The following SERPINA12 variants were observed in gnomAD, a reference collection of about 807,000 sequenced individuals.
SERPINA12 encodes serpin A12.
A neutral mutation model predicts 25.9 loss-of-function variants in SERPINA12; 21 were observed. The observed-to-expected ratio is 0.81, with a 90% CI of 0.58 to 1.17. The LOEUF is 1.17. Among genes scored for constraint, SERPINA12 ranks in the 50% most tolerant of loss-of-function variants. The pLI is 0.00. For missense variants in SERPINA12, 562 were observed against 508.3 expected (o/e 1.11, Z -1.02); for synonymous variants, 220 against 196.0 (o/e 1.12, Z -1.02).
intron 1 of SERPINA12, among the ~76,000 whole-genome samples, chr14:94,516,767 C>T (rs1901247226): frequency 6.6e-6 from 1 of 152,174 alleles, no homozygotes; most frequent in Non-Finnish European, 1.5e-5. Context: ...ACCCCAGGTC[C>T]TAATTCCAAG....
At chr14:94,516,708 T>C (rs1213935876) in intron 1 of SERPINA12, among the ~76,000 whole-genome samples, 1 of 152,218 alleles carries the variant, frequency 6.6e-6, no homozygotes, top group Non-Finnish European at 1.5e-5. Context: ...TTCCAAAGCT[T>C]ATACCTTACA....
rs754369622 is a variant in SERPINA12 at position 94,497,912 on chromosome 14, G to C, written c.486C>G (p.Thr162=). 5.5e-5 allele frequency: 88 copies of C among 1,614,074 alleles called. No individual in the cohort carries two copies. Among genetic ancestry groups the C allele is most frequent in the Non-Finnish European group, 7.3e-5 (86 of 1,180,044 alleles). The change falls in exon 2 of 5, where the codon ACC becomes ACG. Residue 162 remains threonine, a synonymous_variant. Transcript: ENST00000677451. ...CCAAATTCTGAAAGTTGGTAAGGAT[G>C]GTTTCGGCACTGTAAAAGTTCTTGG... ...EDAKNFYSAE[T]ILTNFQNLEM...
At chr14:94,498,540 G>T in intron 1 of SERPINA12, 110 bp from the exon 2 acceptor site, 1 of 857,142 alleles carries the variant, frequency 1.2e-6, no homozygotes, top group Non-Finnish European at 1.8e-6. Flanking sequence ...GTACATAGCA[G>T]TTTATGAGTG....
chr14:94,506,379 C>G (rs1900933302), intron 1 of SERPINA12, among the ~76,000 whole-genome samples: 1 of 152,112 alleles, frequency 6.6e-6, no homozygotes, highest in African/African-American at 2.4e-5. Flanking sequence ...ACAAGTCACA[C>G]TAGGTAAGGG....
intron 1 of SERPINA12, among the ~76,000 whole-genome samples, chr14:94,507,209 A>G (rs1900959799): frequency 6.6e-6 from 1 of 152,258 alleles, no homozygotes. Context: ...ATTGGACTAT[A>G]TGAAACTATT....
rs868383605 is a variant in SERPINA12 at position 94,491,952 on chromosome 14, G to A, written c.906-2185C>T. ...CTCTTAGCCTGTGAGCTCACTCAGGGGTAAGTATAGACAGAAAAGAAGGCT... is the reference window on the plus strand; with the variant it reads ...CTCTTAGCCTGTGAGCTCACTCAGGAGTAAGTATAGACAGAAAAGAAGGCT... On this transcript the variant is annotated intron_variant, in intron 3 of 4. Coordinates refer to ENST00000677451, the MANE Select transcript of SERPINA12 (RefSeq NM_001382267.1). 7.2e-5 allele frequency among the ~76,000 whole-genome samples: 11 copies of A among 152,138 alleles called. 1 individual carries two copies. Among genetic ancestry groups the A allele is most frequent in the South Asian group, 4.1e-4 (2 of 4,824 alleles).
chr14:94,510,333 T>TA (rs1243053744), upstream of SERPINA12: 3 of 899,874 alleles, frequency 3.3e-6, no homozygotes, highest in Non-Finnish European at 4.0e-6. Context: ...ACAGAGGATA[T>TA]AAAAAAAGAG....
At chr14:94,508,641 A>G (rs1901015954) in intron 1 of SERPINA12, among the ~76,000 whole-genome samples, 1 of 152,260 alleles carries the variant, frequency 6.6e-6, no homozygotes, top group African/African-American at 2.4e-5. Context: ...ATATGGATAT[A>G]CCATCTTTTT....
At chr14:94,510,360 C>G, upstream of SERPINA12, 1 of 638,574 alleles carries the variant, frequency 1.6e-6, no homozygotes, top group Non-Finnish European at 1.9e-6. Flanking sequence ...CTCAACATTA[C>G]TAACCATCAG....
At chr14:94,507,539 A>G (rs1476059706) in intron 1 of SERPINA12, among the ~76,000 whole-genome samples, 7 of 152,250 alleles carry the variant, frequency 4.6e-5, no homozygotes, top group Non-Finnish European at 4.4e-5. Flanking sequence ...AAGCAAAGAC[A>G]TGAACAAATA....
chr14:94,514,447 G>C (rs945068068), upstream of SERPINA12, among the ~76,000 whole-genome samples: 1 of 152,218 alleles, frequency 6.6e-6, no homozygotes, highest in Non-Finnish European at 1.5e-5. Context: ...CCTGGTGGCT[G>C]TGACTCACCT....
chr14:94,502,524 T>C (rs1172597683), intron 1 of SERPINA12, among the ~76,000 whole-genome samples: 1 of 152,174 alleles, frequency 6.6e-6, no homozygotes, highest in East Asian at 1.9e-4. Context: ...GAAGAAATGA[T>C]ACCTAAACAG....
At chr14:94,500,401 C>T (rs1038578044) in intron 1 of SERPINA12, among the ~76,000 whole-genome samples, 1 of 152,048 alleles carries the variant, frequency 6.6e-6, no homozygotes, top group Non-Finnish European at 1.5e-5. Context: ...AGCCCATGTG[C>T]CTCAGGGACA....
upstream of SERPINA12, among the ~76,000 whole-genome samples, chr14:94,512,159 C>T (rs145277062): frequency 2.6e-5 from 4 of 152,216 alleles, no homozygotes; most frequent in East Asian, 3.9e-4. Context: ...CTTGCACCCA[C>T]GAGAGGCAGA....
intron 1 of SERPINA12, among the ~76,000 whole-genome samples, chr14:94,505,160 G>A (rs1024214384): frequency 6.6e-6 from 1 of 152,218 alleles, no homozygotes; most frequent in East Asian, 1.9e-4. Context: ...AGAGCCATGG[G>A]TGTTGTTTTC....
At chr14:94,494,182 C>T (rs751691016) in intron 3 of SERPINA12, among the ~76,000 whole-genome samples, 3 of 152,056 alleles carry the variant, frequency 2.0e-5, no homozygotes, top group Non-Finnish European at 4.4e-5. Flanking sequence ...TGGCATCCCT[C>T]CCATTTCTTA....
chr14:94,509,121 A>C (rs983094705), intron 1 of SERPINA12, among the ~76,000 whole-genome samples: 1 of 152,188 alleles, frequency 6.6e-6, no homozygotes, highest in Non-Finnish European at 1.5e-5. Context: ...AAATGAAAGC[A>C]TGGCCACAGC....
chr14:94,514,324 C>T (rs1222595907), upstream of SERPINA12, among the ~76,000 whole-genome samples: 1 of 152,238 alleles, frequency 6.6e-6, no homozygotes, highest in Non-Finnish European at 1.5e-5. Flanking sequence ...CAGCTATCTC[C>T]CACCTGGCAC....
intron 4 of SERPINA12, 44 bp downstream of exon 4, chr14:94,489,576 G>C (rs551154153): frequency 6.3e-7 from 1 of 1,597,430 alleles, no homozygotes; most frequent in African/African-American, 1.3e-5. Flanking sequence ...CTGGGGGAAG[G>C]CCCCTGTGCT....
Sources: allele counts gnomAD v4.1 joint callset (sites outside exome capture counted in the v4.1 genomes callset), GRCh38; gene constraint gnomAD v4.1.1; transcripts MANE v1.5; gene names NCBI Gene and HGNC (gene_info 2026-07-23, HGNC 2026-07-21).